Variants in MTCH1 observed in about 807,000 individuals in gnomAD.
The protein encoded by MTCH1 is mitochondrial carrier 1.
MTCH1 carries 23 observed loss-of-function variants against 49.3 expected under a neutral mutation model. That is an observed-to-expected ratio of 0.47 (90% confidence interval 0.34 to 0.66). The LOEUF (loss-of-function observed/expected upper bound fraction) is 0.66. Ranked by LOEUF, MTCH1 falls within the 30% of genes least tolerant of loss-of-function variation. The probability of loss-of-function intolerance (pLI) is 0.01; values close to 1 mark genes in which losing one functional copy is unlikely to be tolerated. For synonymous variants in MTCH1, 229 were observed against 215.2 expected, an observed-to-expected ratio of 1.06 and a Z score of -0.56; for missense variants, 397 against 532.1, an observed-to-expected ratio of 0.75 and a Z score of 2.50.
At chr6:36,971,182 G>A (rs1763672655) in intron 8 of MTCH1, among the ~76,000 whole-genome samples, 1 of 152,142 alleles carries the variant, frequency 6.6e-6, no homozygotes, top group Non-Finnish European at 1.5e-5. Flanking sequence ...GTGAGGAAAG[G>A]TGACTCCCCC....
rs115439454 is a variant in MTCH1 at position 36,982,733 on chromosome 6, T to C, written c.322-1061A>G. ...GCGGGTGGGTGAAGGACCATCCATATCCATGTGAGGAGCAGGAAGTCTCTG... is the reference window on the plus strand; with the variant it reads ...GCGGGTGGGTGAAGGACCATCCATACCCATGTGAGGAGCAGGAAGTCTCTG... On this transcript the variant is annotated intron_variant, in intron 1 of 11. Coordinates refer to ENST00000373627, the MANE Select transcript of MTCH1 (RefSeq NM_001271641.2). This position sits in a 1 kb window ranked among gnomAD's most constrained non-coding sequence, Gnocchi z 4.1. Among the ~76,000 whole-genome samples the C allele has an allele frequency of 0.012, 1,811 of 152,274 alleles. 46 individuals are homozygous for C. Among genetic ancestry groups the C allele is most frequent in the African/African-American group, 0.04 (1,660 of 41,536 alleles).
intron 11 of MTCH1, chr6:36,969,745 C>A: frequency 1.6e-6 from 2 of 1,284,322 alleles, no homozygotes; most frequent in Non-Finnish European, 9.9e-7. Context: ...TTACCACCTG[C>A]CACCTGGGCC....
At chr6:36,985,721 C>CCCCCCAAAACCCCCCTCCCCCCCCCCCT in intron 1 of MTCH1, 132 bp downstream of exon 1, 1 of 325,742 alleles carries the variant, frequency 3.1e-6, no homozygotes, top group East Asian at 1.4e-4. Context: ...ACCCACTCGG[C>CCCCCCAAAACCCCCCTCCCCCCCCCCCT]CCCCCAAACC....
Position 36,977,970 on chromosome 6 carries a change from A to G in MTCH1, c.591+108T>C, listed in dbSNP as rs79238769. The G allele has an allele frequency of 0.1, 104,027 of 1,033,804 alleles. 6,655 individuals are homozygous for G. The highest frequency in any genetic ancestry group is 0.23 in the African/African-American group (14,359 of 63,332). The allele number at this position is 1,033,804 out of a possible 1,614,324, so 64.0% of individuals were successfully genotyped here. On this transcript the variant is annotated intron_variant, in intron 4 of 11. Transcript: ENST00000373627. The surrounding 1 kb of genome is among the most constrained non-coding windows in gnomAD (Gnocchi z 5.4). ...TTCCCTTACCATCCCACCCATGCATACACAAGGACCCAACTCTTCGACTTG... is the reference window on the plus strand; with the variant it reads ...TTCCCTTACCATCCCACCCATGCATGCACAAGGACCCAACTCTTCGACTTG...
At chr6:36,983,437 A>AT (rs1237924130) in intron 1 of MTCH1, among the ~76,000 whole-genome samples, 3 of 152,160 alleles carry the variant, frequency 2.0e-5, no homozygotes, top group Non-Finnish European at 4.4e-5. Context: ...CCCCAATTTC[A>AT]TACTTAAATT....
At chr6:36,986,325 G>A, upstream of MTCH1, 3 of 677,096 alleles carry the variant, frequency 4.4e-6, no homozygotes, top group Middle Eastern at 4.8e-4. Flanking sequence ...TGGCTCCCCG[G>A]CCGGTTGGAG....
At position 36,968,604 on chromosome 6, in the gene MTCH1, A is replaced by G. The variant is rs1763560336; in HGVS notation, c.*299T>C. 1 of 448,016 alleles carries G rather than the reference A, an allele frequency of 2.2e-6. No homozygotes were observed. Among genetic ancestry groups the G allele is most frequent in the African/African-American group, 2.0e-5 (1 of 49,898 alleles). The allele number at this position is 448,016 out of a possible 1,614,324, so 27.8% of individuals were successfully genotyped here. ...CATCCAACCTGGGCCCCCATAAGCC[A>G]TTCTCTGGCCCTCTGCACAAGACAG... On this transcript the variant is annotated 3_prime_UTR_variant, in exon 12 of 12. Transcript: ENST00000373627.
rs1764097327 is a variant in MTCH1 at position 36,981,650 on chromosome 6, G to A, written c.344C>T (p.Pro115Leu). The change falls in exon 2 of 12, where the codon CCC becomes CTC. Residue 115 changes from proline to leucine, a missense_variant. Coordinates refer to ENST00000373627, the MANE Select transcript of MTCH1 (RefSeq NM_001271641.2). ...LIQVGHEPMP[P>L]TLGTNVLGRK... Reference sequence around the variant, plus strand: ...CCCCAGCACATTGGTCCCAAGGGTGGGGGGCATCGGCTCATGACCCACCTT... The same window carrying A: ...CCCCAGCACATTGGTCCCAAGGGTGAGGGGCATCGGCTCATGACCCACCTT... 1 of 1,613,628 alleles carries A rather than the reference G, an allele frequency of 6.2e-7. No homozygotes were observed. The highest frequency in any genetic ancestry group is 2.2e-5 in the East Asian group (1 of 44,820).
rs1764118625 is a variant in MTCH1 at position 36,982,068 on chromosome 6, T to C, written c.322-396A>G. ...ATGAAAAACTTCATTCCAACCTCAA[T>C]TCCAAATGTGGCAATAAGAAAATAC... On this transcript the variant is annotated intron_variant, in intron 1 of 11. Coordinates refer to ENST00000373627, the MANE Select transcript of MTCH1 (RefSeq NM_001271641.2). The surrounding 1 kb of genome is among the most constrained non-coding windows in gnomAD (Gnocchi z 4.1). Among the ~76,000 whole-genome samples, 1 of 152,144 alleles carries C rather than the reference T, an allele frequency of 6.6e-6. No homozygotes were observed. Among genetic ancestry groups the C allele is most frequent in the Non-Finnish European group, 1.5e-5 (1 of 68,028 alleles).
At position 36,972,735 on chromosome 6, in the gene MTCH1, G is replaced by A; in HGVS notation, c.823C>T (p.His275Tyr). 6.4e-7 allele frequency: 1 copy of A among 1,553,508 alleles called. No homozygotes were observed. The highest frequency in any genetic ancestry group is 8.7e-7 in the Non-Finnish European group (1 of 1,147,860). ...VFLWGCNLLA[H>Y]FINAYLVDDS... The stretch of plus-strand genomic sequence containing the variant: ...TCCACCAGGTAGGCATTGATGAAGT[G>A]GGCCAGCAGGTTACAGCCCCACAAG... Residue 275 changes from histidine (H) to tyrosine (Y), a missense_variant, in exon 8 of 12, where the codon CAC becomes TAC. Physicochemically the swap from His to Tyr is moderately conservative, Grantham distance 83 (BLOSUM62 2). Transcript: ENST00000373627. This position sits in a 1 kb window ranked among gnomAD's most constrained non-coding sequence, Gnocchi z 4.1.
chr6:36,985,370 T>C (rs186024731), intron 1 of MTCH1, among the ~76,000 whole-genome samples: 38 of 151,702 alleles, frequency 2.5e-4, no homozygotes, highest in African/African-American at 9.0e-4. Context: ...CGTTCCCCTC[T>C]ACCCCAATTA....
rs60237181 is a variant in MTCH1, at chr6:36,977,256, GA to G, written c.650-7del. 9.9e-6 allele frequency: 16 copies of G among 1,612,652 alleles called. No individual in the cohort carries two copies. In the South Asian group the frequency reaches 1.4e-4, roughly 14 times the overall value. On this transcript the variant is annotated splice_region_variant and splice_polypyrimidine_tract_variant and intron_variant, in intron 5 of 11. Transcript: ENST00000373627. This position sits in a 1 kb window ranked among gnomAD's most constrained non-coding sequence, Gnocchi z 5.4. Reference sequence around the variant, plus strand: ...CATGCAGCGCATTGAGATGACTGAGGAAAAAAAAGAAAACACACACAGGTGA... The same window carrying G: ...CATGCAGCGCATTGAGATGACTGAGGAAAAAAAGAAAACACACACAGGTGA...
intron 2 of MTCH1, among the ~76,000 whole-genome samples, chr6:36,979,335 G>A (rs1195281558): frequency 1.6e-4 from 24 of 152,302 alleles, no homozygotes. Context: ...TTTCACTAGG[G>A]TCTGTCTTTC....
intron 3 of MTCH1, 64 bp downstream of exon 3, chr6:36,978,440 CT>C: frequency 6.6e-7 from 1 of 1,504,698 alleles, no homozygotes; most frequent in South Asian, 1.2e-5. Flanking sequence ...TAACTGGCTG[CT>C]GCAGGGGTGG....
At position 36,982,577 on chromosome 6, in the gene MTCH1, C is replaced by T. The variant is rs932047235; in HGVS notation, c.322-905G>A. ...AAATTTTTTGTATTTTTAGTAGAGA[C>T]GGGGTTTCTCCATGTTGGTCAGGCT... On this transcript the variant is annotated intron_variant, in intron 1 of 11. Coordinates refer to ENST00000373627, the MANE Select transcript of MTCH1 (RefSeq NM_001271641.2). This position sits in a 1 kb window ranked among gnomAD's most constrained non-coding sequence, Gnocchi z 4.1. Among the ~76,000 whole-genome samples the T allele has an allele frequency of 2.0e-5, 3 of 152,094 alleles. No homozygotes were observed. The highest frequency in any genetic ancestry group is 1.9e-4 in the East Asian group (1 of 5,190).
At chr6:36,976,756 G>T (rs1583257572) in intron 6 of MTCH1, among the ~76,000 whole-genome samples, 4 of 152,192 alleles carry the variant, frequency 2.6e-5, no homozygotes, top group Admixed American at 2.6e-4. Context: ...GTGAGGGTCT[G>T]GTACACAATG....
rs2293384 is a variant in MTCH1, at chr6:36,975,486, C to A, written c.761+172G>T. Among the ~76,000 whole-genome samples, 4 of 152,222 alleles carry A rather than the reference C, an allele frequency of 2.6e-5. No individual in the cohort carries two copies. The East Asian group carries it at 7.7e-4, about 29-fold the overall frequency. ...TACATGAGCCATGGCCTGAAAAGGG[C>A]TAAGCAGCTTGGACACGCTATGGAG... On this transcript the variant is annotated intron_variant, in intron 7 of 11. Transcript: ENST00000373627.
At chr6:36,980,353 C>A (rs1764040599) in intron 2 of MTCH1, among the ~76,000 whole-genome samples, 1 of 152,240 alleles carries the variant, frequency 6.6e-6, no homozygotes, top group South Asian at 2.1e-4. Flanking sequence ...ACAGCACGTG[C>A]AACCAGATCC....
chr6:36,976,737 C>T (rs972867378), intron 6 of MTCH1: 7 of 376,876 alleles, frequency 1.9e-5, no homozygotes, highest in Non-Finnish European at 3.7e-5. Flanking sequence ...CTGCACGCAG[C>T]AGATCTAGGT....
Sources: gnomAD v4.1 joint callset for allele counts (sites outside exome capture counted in the v4.1 genomes callset) on GRCh38, gnomAD v4.1.1 for gene constraint, Gnocchi (gnomAD v3.1) non-coding constraint, MANE v1.5 for transcripts, NCBI Gene and HGNC (gene_info 2026-07-23, HGNC 2026-07-21) for gene names.